The following PDE11A variants were observed in gnomAD, a reference collection of about 807,000 sequenced individuals.
PDE11A encodes dual 3',5'-cyclic-AMP and -GMP phosphodiesterase 11A.
In PDE11A, 100 loss-of-function variants were observed where a neutral mutation model predicts 100.5. That is an observed-to-expected ratio of 1.00 (90% CI 0.85 to 1.18). PDE11A has a LOEUF of 1.18. PDE11A is among the 50% of genes most tolerant of loss of function. The pLI, the probability that PDE11A is intolerant of heterozygous loss-of-function variation, is 0.00. For missense variants in PDE11A, 1,141 were observed against 1,152.6 expected, an observed-to-expected ratio of 0.99 and a Z score of 0.15; for synonymous variants, 381 against 420.8, an observed-to-expected ratio of 0.91 and a Z score of 1.16.
chr2:177,997,814 G>A (rs1297888445), intron 2 of PDE11A: 4 of 1,299,142 alleles, frequency 3.1e-6, no homozygotes, highest in Non-Finnish European at 4.5e-6. Context: ...TCTGGAGGGA[G>A]GGGCATGTAT....
chr2:177,905,610 T>C (rs2084774288), intron 2 of PDE11A, among the ~76,000 whole-genome samples: 2 of 152,250 alleles, frequency 1.3e-5, no homozygotes, highest in Non-Finnish European at 2.9e-5. Flanking sequence ...CGTTGGCATA[T>C]GGCATATACC....
chr2:178,069,025 T>C (rs2087089108), intron 1 of PDE11A, among the ~76,000 whole-genome samples: 1 of 152,182 alleles, frequency 6.6e-6, no homozygotes, highest in Non-Finnish European at 1.5e-5. Context: ...ATGTGCTGAC[T>C]TCACATCTCA....
intron 19 of PDE11A, among the ~76,000 whole-genome samples, chr2:177,629,837 C>T (rs2079891351): frequency 6.6e-6 from 1 of 152,202 alleles, no homozygotes; most frequent in Non-Finnish European, 1.5e-5. Flanking sequence ...GACTCAAATC[C>T]TGTTTTACAA....
At chr2:177,713,016 A>AT (rs35391554) in intron 12 of PDE11A, among the ~76,000 whole-genome samples, 23,134 of 150,074 alleles carry the variant, frequency 0.15, 2,032 homozygotes, top group Middle Eastern at 0.27. Context: ...TGACAATTTT[A>AT]TTTTTTTTTT....
At chr2:177,705,007 A>AT (rs1254586242) in intron 13 of PDE11A, among the ~76,000 whole-genome samples, 1 of 152,050 alleles carries the variant, frequency 6.6e-6, no homozygotes, top group African/African-American at 2.4e-5. Context: ...CGCTTAGCTA[A>AT]TTTTTTGTAT....
At chr2:177,834,960 T>A (rs2083369967) in intron 6 of PDE11A, among the ~76,000 whole-genome samples, 1 of 152,064 alleles carries the variant, frequency 6.6e-6, no homozygotes, top group African/African-American at 2.4e-5. Context: ...TACCTTAGCA[T>A]TCAGCTTATG....
chr2:178,092,078 G>C (rs2087430173), intron 2 of PDE11A, among the ~76,000 whole-genome samples: 1 of 151,952 alleles, frequency 6.6e-6, no homozygotes, highest in Admixed American at 6.6e-5. Flanking sequence ...TTAAAAAGTT[G>C]CTTTAAGTAT....
intron 5 of PDE11A, among the ~76,000 whole-genome samples, chr2:177,856,147 A>G (rs2105659729): frequency 6.6e-6 from 1 of 152,234 alleles, no homozygotes; most frequent in South Asian, 2.1e-4. Flanking sequence ...TCTCTGTCCC[A>G]TTAGCTGACA....
intron 6 of PDE11A, among the ~76,000 whole-genome samples, chr2:177,833,292 T>G (rs375260815): frequency 2.0e-5 from 3 of 152,330 alleles, no homozygotes; most frequent in East Asian, 1.9e-4. Context: ...AAGATATTTA[T>G]GTAGGACTTT....
intron 1 of PDE11A, among the ~76,000 whole-genome samples, chr2:178,032,521 A>G (rs1309690369): frequency 6.6e-6 from 1 of 151,548 alleles, no homozygotes; most frequent in African/African-American, 2.4e-5. Context: ...TCCATTAAGA[A>G]TGAAAAGCAA....
At chr2:177,727,818 C>T in intron 11 of PDE11A, 53 bp from the exon 12 acceptor site, 1 of 1,116,342 alleles carries the variant, frequency 9.0e-7, no homozygotes, top group Non-Finnish European at 1.4e-6. Flanking sequence ...TTCTAGTGGA[C>T]CCTTATCTCA....
chr2:177,788,177 T>A (rs1383860334), intron 9 of PDE11A, among the ~76,000 whole-genome samples: 1 of 151,748 alleles, frequency 6.6e-6, no homozygotes, highest in Non-Finnish European at 1.5e-5. Flanking sequence ...ACAGAAATTA[T>A]AACAAACTGT....
In PDE11A at chr2:178,071,781, G is replaced by A. The variant is rs138236905; in HGVS notation, c.657C>T (p.Thr219=). Residue 219 remains threonine, a synonymous_variant, in exon 1 of 20, where the codon ACC becomes ACT. Coordinates refer to ENST00000286063, the MANE Select transcript of PDE11A (RefSeq NM_016953.4). ...AGATGAGAATCTTGTAGCTCAGGCT[G>A]GTGAGGTCAAGGTCATTGGAGATAT... The part of the protein sequence containing the change: ...VKDISNDLDL[T]SLSYKILIFV... The A allele has an allele frequency of 2.7e-4, 433 of 1,613,502 alleles. No individual in the cohort carries two copies. The African/African-American group carries it at 5.0e-3, about 18-fold the overall frequency.
At chr2:178,059,278 GGA>G (rs1559057867) in intron 1 of PDE11A, among the ~76,000 whole-genome samples, 1 of 152,174 alleles carries the variant, frequency 6.6e-6, no homozygotes, top group East Asian at 1.9e-4. Flanking sequence ...ATGGGTATGG[GGA>G]GAGTCAGTGT....
At chr2:177,999,476 T>C (rs947076240) in intron 2 of PDE11A, among the ~76,000 whole-genome samples, 1 of 152,224 alleles carries the variant, frequency 6.6e-6, no homozygotes, top group Non-Finnish European at 1.5e-5. Flanking sequence ...TTCGAAAAAT[T>C]AATCAGACAC....
At chr2:177,704,850 CT>C (rs139274145) in intron 13 of PDE11A, among the ~76,000 whole-genome samples, 2 of 151,136 alleles carry the variant, frequency 1.3e-5, no homozygotes, top group African/African-American at 4.9e-5. Flanking sequence ...TGTGAAACCT[CT>C]TTTTTTTTGA....
intron 1 of PDE11A, among the ~76,000 whole-genome samples, chr2:178,048,517 T>C (rs2086782081): frequency 6.6e-6 from 1 of 151,934 alleles, no homozygotes; most frequent in African/African-American, 2.4e-5. Context: ...CTCAGAAAGG[T>C]AGGGTGAGTT....
At chr2:177,990,746 A>G (rs150823033) in intron 2 of PDE11A, among the ~76,000 whole-genome samples, 3,121 of 142,842 alleles carry the variant, frequency 0.022, 129 homozygotes, top group Middle Eastern at 0.025. Flanking sequence ...TCAAAAAAAA[A>G]AAAAAGGAAA....
intron 4 of PDE11A, 119 bp downstream of exon 4, chr2:177,897,939 C>T (rs2084634760): frequency 2.4e-6 from 2 of 840,128 alleles, no homozygotes; most frequent in African/African-American, 1.7e-5. Context: ...AAAGTTGCCC[C>T]ATGGTTGAAG....
Sources: allele counts gnomAD v4.1 joint callset (sites outside exome capture counted in the v4.1 genomes callset), GRCh38; gene constraint gnomAD v4.1.1; transcripts MANE v1.5; gene names NCBI Gene and HGNC (gene_info 2026-07-23, HGNC 2026-07-21).